Variants in IL1RAPL1 observed in about 807,000 individuals in gnomAD.
IL1RAPL1 encodes the protein interleukin 1 receptor accessory protein like 1.
IL1RAPL1 carries 3 observed loss-of-function variants against 48.4 expected under a neutral mutation model. The ratio of observed to expected loss-of-function variants is 0.06; its 90% CI spans 0.03 to 0.16. IL1RAPL1 has a LOEUF of 0.16. Ranked by LOEUF, IL1RAPL1 falls within the 10% of genes least tolerant of loss-of-function variation. The pLI is 1.00. For missense variants in IL1RAPL1, 349 were observed against 530.6 expected (o/e 0.66, Z 3.36); for synonymous variants, 185 against 187.7 (o/e 0.99, Z 0.12).
chrX:28,910,196 G>T (rs928791601), intron 2 of IL1RAPL1, among the ~76,000 whole-genome samples: 1 of 111,105 alleles, frequency 9.0e-6, no homozygotes, highest in African/African-American at 3.3e-5. Context: ...TCTCTGACAT[G>T]AAAGGAAGCC....
intron 6 of IL1RAPL1, among the ~76,000 whole-genome samples, chrX:29,783,183 C>T (rs1187027829): frequency 9.1e-6 from 1 of 110,422 alleles, no homozygotes; most frequent in Admixed American, 9.7e-5. Flanking sequence ...GGATTACAGG[C>T]GTGAGCCACC....
intron 5 of IL1RAPL1, among the ~76,000 whole-genome samples, chrX:29,499,833 T>C (rs528041636): frequency 1.8e-5 from 2 of 112,139 alleles, no homozygotes; most frequent in Admixed American, 1.9e-4. Flanking sequence ...ATATAATATC[T>C]GTACATATTT....
chrX:29,265,603 T>C (rs1212953179), intron 2 of IL1RAPL1, among the ~76,000 whole-genome samples: 4 of 94,848 alleles, frequency 4.2e-5, no homozygotes, highest in African/African-American at 1.1e-4. Context: ...GTATATCTCC[T>C]AATGCTATCC....
rs140239608 is a variant in IL1RAPL1 at position 29,823,472 on chromosome X, G to T, written c.779-93992G>T. 6.2e-3 allele frequency among the ~76,000 whole-genome samples: 696 copies of T among 112,065 alleles called. 5 individuals are homozygous for T. Among genetic ancestry groups the T allele is most frequent in the African/African-American group, 0.021 (656 of 30,889 alleles). On this transcript the variant is annotated intron_variant, in intron 6 of 10. Transcript: ENST00000378993. The stretch of plus-strand genomic sequence containing the variant: ...AAAAGTGTTAAAACACTGGAACACA[G>T]ATACAAATCTGAACTTCTTGTTGAG...
chrX:29,560,256 T>A (rs1019002556), intron 5 of IL1RAPL1, among the ~76,000 whole-genome samples: 1 of 111,843 alleles, frequency 8.9e-6, no homozygotes, highest in African/African-American at 3.2e-5. Flanking sequence ...AGAAATCTGC[T>A]GATAGCCTTA....
At chrX:28,952,845 G>A (rs1249217993) in intron 2 of IL1RAPL1, among the ~76,000 whole-genome samples, 1 of 110,972 alleles carries the variant, frequency 9.0e-6, no homozygotes, top group Non-Finnish European at 1.9e-5. Context: ...TTTATTTCTG[G>A]CTTTTACTTT....
intron 2 of IL1RAPL1, among the ~76,000 whole-genome samples, chrX:29,153,225 A>G (rs1401559335): frequency 9.0e-6 from 1 of 111,473 alleles, no homozygotes; most frequent in Non-Finnish European, 1.9e-5. Context: ...TACCCTTGCG[A>G]TTACACTGGG....
chrX:28,995,187 A>G (rs924985155), intron 2 of IL1RAPL1, among the ~76,000 whole-genome samples: 19 of 111,855 alleles, frequency 1.7e-4, no homozygotes, highest in African/African-American at 6.2e-4. Flanking sequence ...ATTTTAAAAA[A>G]TATTTTGAAA....
At chrX:29,247,318 A>C (rs781029183) in intron 2 of IL1RAPL1, among the ~76,000 whole-genome samples, 1 of 111,714 alleles carries the variant, frequency 9.0e-6, no homozygotes, top group Non-Finnish European at 1.9e-5. Flanking sequence ...TTAAAAGAAA[A>C]ATTTTTATAT....
intron 1 of IL1RAPL1, among the ~76,000 whole-genome samples, chrX:28,779,794 A>G (rs923603368): frequency 7.6e-5 from 8 of 105,600 alleles, no homozygotes; most frequent in African/African-American, 2.8e-4. Context: ...CTTGATTTTA[A>G]TAAATGAATG....
chrX:28,823,396 A>G (rs1018894240), intron 2 of IL1RAPL1, among the ~76,000 whole-genome samples: 1 of 111,185 alleles, frequency 9.0e-6, no homozygotes, highest in African/African-American at 3.3e-5. Flanking sequence ...CTTTGTAACT[A>G]TAGCTATTAT....
intron 2 of IL1RAPL1, among the ~76,000 whole-genome samples, chrX:28,985,024 A>G (rs1020759825): frequency 3.6e-5 from 4 of 111,739 alleles, no homozygotes; most frequent in African/African-American, 1.3e-4. Flanking sequence ...TAAACTGGGT[A>G]TGATACAAAC....
chrX:29,863,170 T>C (rs1486136386), intron 6 of IL1RAPL1, among the ~76,000 whole-genome samples: 1 of 111,271 alleles, frequency 9.0e-6, no homozygotes, highest in Admixed American at 9.6e-5. Flanking sequence ...GCAATTGCAA[T>C]GTGAGAGATA....
chrX:29,748,419 A>G (rs1025078286), intron 6 of IL1RAPL1, among the ~76,000 whole-genome samples: 1 of 112,855 alleles, frequency 8.9e-6, no homozygotes, highest in South Asian at 3.6e-4. Flanking sequence ...GACACAGTTG[A>G]TGATGCCATT....
intron 3 of IL1RAPL1, among the ~76,000 whole-genome samples, chrX:29,318,569 G>C (rs934548491): frequency 8.9e-6 from 1 of 112,388 alleles, no homozygotes; most frequent in Non-Finnish European, 1.9e-5. Flanking sequence ...AATCTAAGCA[G>C]ACATAGAGTT....
chrX:28,683,298 G>A (rs1036012314), intron 1 of IL1RAPL1, among the ~76,000 whole-genome samples: 1 of 110,609 alleles, frequency 9.0e-6, no homozygotes, highest in Non-Finnish European at 1.9e-5. Context: ...TACCAGGTGA[G>A]CTAGCACAAG....
At chrX:29,800,453 ATC>A (rs749365141) in intron 6 of IL1RAPL1, among the ~76,000 whole-genome samples, 428 of 108,967 alleles carry the variant, frequency 3.9e-3, no homozygotes, top group African/African-American at 0.013. Flanking sequence ...CCATTTTAAA[ATC>A]TCTGTTTCTT....
intron 6 of IL1RAPL1, among the ~76,000 whole-genome samples, chrX:29,777,562 G>C (rs956390639): frequency 2.7e-5 from 3 of 111,560 alleles, no homozygotes; most frequent in African/African-American, 9.7e-5. Flanking sequence ...ATTTTGAGTA[G>C]CTTTAAATCC....
chrX:29,820,396 G>C (rs1258438811), intron 6 of IL1RAPL1, among the ~76,000 whole-genome samples: 1 of 111,689 alleles, frequency 9.0e-6, no homozygotes, highest in East Asian at 2.8e-4. Context: ...CAGGTTACAA[G>C]GCAGTCCAAT....
Sources: gnomAD v4.1 joint callset for allele counts (sites outside exome capture counted in the v4.1 genomes callset) on GRCh38, gnomAD v4.1.1 for gene constraint, MANE v1.5 for transcripts, NCBI Gene and HGNC (gene_info 2026-07-23, HGNC 2026-07-21) for gene names.